RORA: variants seen among roughly 807,000 people sequenced by gnomAD.
RORA encodes the protein nuclear receptor ROR-alpha.
In RORA, 7 loss-of-function variants were observed where a neutral mutation model predicts 69.5. The observed-to-expected ratio is 0.10, with a 90% confidence interval of 0.06 to 0.19. The LOEUF is 0.19. RORA is among the 10% of genes least tolerant of loss of function. The pLI, the probability that RORA is intolerant of heterozygous loss-of-function variation, is 1.00. For missense variants in RORA, 457 were observed against 663.0 expected (o/e 0.69, Z 3.41); for synonymous variants, 261 against 240.8 (o/e 1.08, Z -0.78).
intron 1 of RORA, among the ~76,000 whole-genome samples, chr15:60,856,490 C>CTTTTTTTTTTTTTTT (rs34150883): frequency 6.7e-6 from 1 of 148,680 alleles, no homozygotes; most frequent in African/African-American, 2.5e-5. Context: ...AATCACTGAC[C>CTTTTTTTTTTTTTTT]TTTTTTTTTT....
chr15:60,591,353 G>C (rs1264377410), intron 2 of RORA, among the ~76,000 whole-genome samples: 1 of 152,184 alleles, frequency 6.6e-6, no homozygotes, highest in South Asian at 2.1e-4. Flanking sequence ...GTTTGCAACC[G>C]TCCCAAGAGC....
chr15:60,785,715 C>G (rs1000711984), intron 1 of RORA, among the ~76,000 whole-genome samples: 8 of 152,238 alleles, frequency 5.3e-5, no homozygotes, highest in Non-Finnish European at 1.5e-5. Context: ...CTTTGCATAT[C>G]ACACTCCCTT....
chr15:60,944,664 G>T (rs1455845331), intron 1 of RORA, among the ~76,000 whole-genome samples: 1 of 144,626 alleles, frequency 6.9e-6, no homozygotes, highest in Non-Finnish European at 1.5e-5. Context: ...GGCAGAGGTT[G>T]CAGTGAGCTG....
At chr15:60,849,588 A>C (rs764957975) in intron 1 of RORA, among the ~76,000 whole-genome samples, 1 of 152,204 alleles carries the variant, frequency 6.6e-6, no homozygotes, top group Admixed American at 6.5e-5. Context: ...TGTTGGGGCC[A>C]AACGAGTGGT....
chr15:60,586,089 C>T (rs2068326891), intron 2 of RORA, among the ~76,000 whole-genome samples: 1 of 152,144 alleles, frequency 6.6e-6, no homozygotes, highest in Admixed American at 6.5e-5. Context: ...ACTTAATAAT[C>T]AACTTCAAAT....
chr15:60,679,313 A>G (rs935861512), intron 1 of RORA, among the ~76,000 whole-genome samples: 3 of 152,282 alleles, frequency 2.0e-5, no homozygotes, highest in Non-Finnish European at 4.4e-5. Flanking sequence ...TATGAACACA[A>G]ACTACGAAAA....
At chr15:60,966,448 A>G (rs1469341172) in intron 1 of RORA, among the ~76,000 whole-genome samples, 1 of 152,220 alleles carries the variant, frequency 6.6e-6, no homozygotes, top group Non-Finnish European at 1.5e-5. Flanking sequence ...CTGTTTTCAC[A>G]AAACTTAATG....
At chr15:61,203,298 G>C (rs1349736376) in intron 1 of RORA, among the ~76,000 whole-genome samples, 1 of 152,172 alleles carries the variant, frequency 6.6e-6, no homozygotes, top group East Asian at 1.9e-4. Flanking sequence ...TATGATGATG[G>C]AAGACAGAAA....
intron 1 of RORA, among the ~76,000 whole-genome samples, chr15:61,069,355 G>A (rs2078307964): frequency 6.6e-6 from 1 of 152,136 alleles, no homozygotes; most frequent in South Asian, 2.1e-4. Context: ...AAATTGGGTG[G>A]AGAATCTAAT....
At chr15:60,554,201 A>C (rs2067298203) in intron 2 of RORA, among the ~76,000 whole-genome samples, 1 of 152,248 alleles carries the variant, frequency 6.6e-6, no homozygotes, top group Admixed American at 6.5e-5. Context: ...AAATGTAAGT[A>C]AAGTGAAACA....
chr15:61,124,132 G>C (rs2079124581), intron 1 of RORA, among the ~76,000 whole-genome samples: 1 of 152,176 alleles, frequency 6.6e-6, no homozygotes, highest in South Asian at 2.1e-4. Context: ...GCTTCCTGAG[G>C]TCAGCCTCCT....
intron 2 of RORA, among the ~76,000 whole-genome samples, chr15:60,578,486 GA>G (rs1289694185): frequency 6.6e-6 from 1 of 152,128 alleles, no homozygotes; most frequent in African/African-American, 2.4e-5. Flanking sequence ...TCATTTTTGA[GA>G]AAATATATGA....
intron 2 of RORA, among the ~76,000 whole-genome samples, chr15:60,580,551 C>T (rs1596007837): frequency 1.3e-5 from 2 of 152,226 alleles, no homozygotes; most frequent in African/African-American, 4.8e-5. Context: ...ACCAGAGAGA[C>T]CAATCGCTCC....
intron 1 of RORA, among the ~76,000 whole-genome samples, chr15:60,844,554 C>T (rs1205241983): frequency 1.3e-5 from 2 of 152,164 alleles, no homozygotes; most frequent in Non-Finnish European, 2.9e-5. Flanking sequence ...TATGCATGCA[C>T]ACACACATAG....
chr15:61,114,124 T>C (rs2079030331), intron 1 of RORA, among the ~76,000 whole-genome samples: 1 of 152,224 alleles, frequency 6.6e-6, no homozygotes. Flanking sequence ...TAGACTTAAC[T>C]GTGAAACTGA....
At chr15:60,852,754 A>AAGGAC (rs2073339636) in intron 1 of RORA, among the ~76,000 whole-genome samples, 1 of 152,216 alleles carries the variant, frequency 6.6e-6, no homozygotes, top group South Asian at 2.1e-4. Context: ...CAGTATCATC[A>AAGGAC]AGGACAAGGA....
intron 1 of RORA, among the ~76,000 whole-genome samples, chr15:61,144,068 G>T (rs1258002564): frequency 6.6e-6 from 1 of 152,174 alleles, no homozygotes; most frequent in African/African-American, 2.4e-5. Context: ...AGTCTCTAAG[G>T]AAAGAACAAG....
intron 1 of RORA, among the ~76,000 whole-genome samples, chr15:60,826,766 C>CTCT (rs2072966558): frequency 4.0e-5 from 5 of 126,096 alleles, no homozygotes; most frequent in African/African-American, 1.5e-4. Flanking sequence ...TCTCTCTCTC[C>CTCT]CTCTCTCTCT....
At position 60,881,496 on chromosome 15, in the gene RORA, G is replaced by C. The variant is rs576624494; in HGVS notation, c.167-202810C>G. ...AAAATCAGGATACGGCTTAAACTGC[G>C]AGGCTGGCCATTAGAGCTGAGGCTC... is the stretch of plus-strand genomic sequence containing the variant. On this transcript the variant is annotated intron_variant, in intron 1 of 10. Transcript: ENST00000335670. 4.6e-5 allele frequency among the ~76,000 whole-genome samples: 7 copies of C among 152,324 alleles called. No homozygotes were observed. The East Asian group carries it at 1.4e-3, about 29-fold the overall frequency.
Sources: allele counts gnomAD v4.1 joint callset (sites outside exome capture counted in the v4.1 genomes callset), GRCh38; gene constraint gnomAD v4.1.1; transcripts MANE v1.5; gene names NCBI Gene and HGNC (gene_info 2026-07-23, HGNC 2026-07-21).